CDH13: variants seen among roughly 807,000 people sequenced by gnomAD.
CDH13 encodes cadherin 13.
A neutral mutation model predicts 63.8 loss-of-function variants in CDH13; 24 were observed. The observed-to-expected ratio is 0.38, with a 90% CI of 0.27 to 0.53. CDH13 has a LOEUF of 0.53. Among genes scored for constraint, CDH13 ranks in the 20% least tolerant of loss-of-function variants. The pLI is 0.85. For synonymous variants in CDH13, 503 were observed against 355.3 expected (o/e 1.42, Z -4.67); for missense variants, 1,049 against 903.1 (o/e 1.16, Z -2.07).
intron 10 of CDH13, among the ~76,000 whole-genome samples, chr16:83,692,092 C>T (rs867223887): frequency 1.1e-4 from 17 of 152,330 alleles, no homozygotes; most frequent in Admixed American, 4.6e-4. Flanking sequence ...TCTTCTGCCT[C>T]CCAAACCAAA....
At chr16:83,293,693 A>G (rs1219790485) in intron 5 of CDH13, among the ~76,000 whole-genome samples, 5 of 152,216 alleles carry the variant, frequency 3.3e-5, no homozygotes. Flanking sequence ...TTGTCTTTTC[A>G]TGTCAACTTA....
intron 6 of CDH13, among the ~76,000 whole-genome samples, chr16:83,410,204 C>T (rs941802664): frequency 6.6e-6 from 1 of 152,170 alleles, no homozygotes; most frequent in Non-Finnish European, 1.5e-5. Flanking sequence ...AATTCAGCAT[C>T]TGTGTCTTTC....
At chr16:83,707,519 T>C (rs946469062) in intron 10 of CDH13, among the ~76,000 whole-genome samples, 3 of 152,206 alleles carry the variant, frequency 2.0e-5, no homozygotes, top group African/African-American at 7.2e-5. Context: ...CAATAATATC[T>C]GTGATATGCC....
chr16:82,846,639 A>T (rs1227401724), intron 1 of CDH13, among the ~76,000 whole-genome samples: 1 of 152,180 alleles, frequency 6.6e-6, no homozygotes, highest in East Asian at 1.9e-4. Flanking sequence ...TTTTTAACTG[A>T]TTCTCAATGT....
At chr16:83,568,045 C>T (rs1904301450) in intron 7 of CDH13, among the ~76,000 whole-genome samples, 1 of 152,174 alleles carries the variant, frequency 6.6e-6, no homozygotes, top group African/African-American at 2.4e-5. Context: ...AGCTCACAAG[C>T]AGGCAGGATG....
intron 4 of CDH13, among the ~76,000 whole-genome samples, chr16:83,143,515 T>C (rs1241010603): frequency 7.9e-5 from 12 of 152,212 alleles, no homozygotes. Flanking sequence ...ACTAAAAATA[T>C]TTTGACAATG....
chr16:83,341,007 G>A (rs1465583890), intron 5 of CDH13, among the ~76,000 whole-genome samples: 1 of 152,086 alleles, frequency 6.6e-6, no homozygotes, highest in Admixed American at 6.5e-5. Context: ...CATTTCCTTT[G>A]AGCAAGTATT....
intron 3 of CDH13, among the ~76,000 whole-genome samples, chr16:83,039,466 C>A (rs1917150607): frequency 6.6e-6 from 1 of 152,214 alleles, no homozygotes; most frequent in Admixed American, 6.5e-5. Flanking sequence ...CCCTACTGGT[C>A]TCACTCTTGG....
intron 3 of CDH13, among the ~76,000 whole-genome samples, chr16:83,033,813 A>T (rs1291685967): frequency 6.6e-6 from 1 of 152,204 alleles, no homozygotes; most frequent in African/African-American, 2.4e-5. Flanking sequence ...ACACAGCAGG[A>T]TTCCAGCCAA....
chr16:83,799,520 C>T lies in CDH13; in HGVS notation c.*4490C>T, dbSNP rs186140245. 16 of 152,154 alleles carry T rather than the reference C, an allele frequency of 1.1e-4. No individual in the cohort carries two copies. The East Asian group carries it at 3.1e-3, about 29-fold the overall frequency. The allele number at this position is 152,154 out of a possible 1,614,324, so 9.4% of individuals were successfully genotyped here. On this transcript the variant is annotated 3_prime_UTR_variant, in exon 14 of 14. Transcript: ENST00000567109. Reference sequence around the variant, plus strand: ...TAAAGGTAGCCCATAAATCTGTTTACGTGTAGCTGCCTTAAACATGAGTCA... The same window carrying T: ...TAAAGGTAGCCCATAAATCTGTTTATGTGTAGCTGCCTTAAACATGAGTCA...
chr16:82,687,763 C>T (rs1597325370), intron 1 of CDH13, among the ~76,000 whole-genome samples: 1 of 152,114 alleles, frequency 6.6e-6, no homozygotes, highest in South Asian at 2.1e-4. Context: ...ATATGGTTGC[C>T]TTCCATTCTG....
At chr16:82,787,669 G>C (rs2036083362) in intron 1 of CDH13, among the ~76,000 whole-genome samples, 1 of 152,208 alleles carries the variant, frequency 6.6e-6, no homozygotes, top group Non-Finnish European at 1.5e-5. Flanking sequence ...CCAGAGAGGT[G>C]AATGGGCTTT....
chr16:83,596,177 C>G (rs1236598488), intron 7 of CDH13, among the ~76,000 whole-genome samples: 1 of 152,166 alleles, frequency 6.6e-6, no homozygotes, highest in Non-Finnish European at 1.5e-5. Flanking sequence ...CTGATGAGTT[C>G]ACTCACCTAG....
At chr16:82,882,543 C>T (rs2040741891) in intron 2 of CDH13, among the ~76,000 whole-genome samples, 1 of 152,100 alleles carries the variant, frequency 6.6e-6, no homozygotes, top group African/African-American at 2.4e-5. Flanking sequence ...AGAATGTGTT[C>T]CTTCATTTCT....
intron 6 of CDH13, among the ~76,000 whole-genome samples, chr16:83,452,371 T>TTACC (rs2072908262): frequency 6.6e-6 from 1 of 152,100 alleles, no homozygotes; most frequent in East Asian, 1.9e-4. Flanking sequence ...TTTATATTGA[T>TTACC]TACTTGGTGC....
At chr16:83,032,786 G>A (rs972955612) in intron 3 of CDH13, among the ~76,000 whole-genome samples, 2 of 152,160 alleles carry the variant, frequency 1.3e-5, no homozygotes, top group East Asian at 1.9e-4. Flanking sequence ...GGCAGAGTCA[G>A]CCCTATTCAC....
chr16:83,016,484 A>G (rs762680829), intron 2 of CDH13, among the ~76,000 whole-genome samples: 34 of 152,210 alleles, frequency 2.2e-4, no homozygotes, highest in Non-Finnish European at 7.3e-5. Flanking sequence ...TCTTGCCCTC[A>G]AGGATCTTCC....
chr16:82,904,367 C>G (rs892517027), intron 2 of CDH13, among the ~76,000 whole-genome samples: 1 of 152,268 alleles, frequency 6.6e-6, no homozygotes. Context: ...CATTTTCTCT[C>G]TAAAGAGAGA....
intron 3 of CDH13, among the ~76,000 whole-genome samples, chr16:83,043,668 G>A (rs960452229): frequency 2.6e-5 from 4 of 152,088 alleles, no homozygotes; most frequent in South Asian, 2.1e-4. Flanking sequence ...AGACCAGCCT[G>A]GCCAGGATGG....
Sources: allele counts gnomAD v4.1 joint callset (sites outside exome capture counted in the v4.1 genomes callset), GRCh38; gene constraint gnomAD v4.1.1; transcripts MANE v1.5; gene names NCBI Gene and HGNC (gene_info 2026-07-23, HGNC 2026-07-21).